Variants in SDK1 observed in about 807,000 individuals in gnomAD.
SDK1 encodes the protein protein sidekick-1.
Under a neutral mutation model 245.5 loss-of-function variants are expected in SDK1, and 157 were observed. That is an observed-to-expected ratio of 0.64 (90% CI 0.56 to 0.73). SDK1 has a LOEUF of 0.73. Among genes scored for constraint, SDK1 ranks in the 30% least tolerant of loss-of-function variants. The pLI, the probability that SDK1 is intolerant of heterozygous loss-of-function variation, is 0.00. For missense variants in SDK1, 3,583 were observed against 3,002.3 expected (o/e 1.19, Z -4.52); for synonymous variants, 1,647 against 1,278.5 (o/e 1.29, Z -6.15).
intron 1 of SDK1, among the ~76,000 whole-genome samples, chr7:3,320,669 A>G (rs1779779835): frequency 6.6e-6 from 1 of 152,184 alleles, no homozygotes; most frequent in Non-Finnish European, 1.5e-5. Flanking sequence ...TTTAATATTA[A>G]TCATGGCCAT....
intron 29 of SDK1, among the ~76,000 whole-genome samples, chr7:4,146,211 C>T (rs1481365923): frequency 2.0e-5 from 3 of 151,172 alleles, no homozygotes; most frequent in African/African-American, 7.3e-5. Flanking sequence ...TGCATTCACA[C>T]CTTCTGCCTC....
At position 3,578,246 on chromosome 7, in the gene SDK1, G is replaced by T. The variant is rs1480121324; in HGVS notation, c.299-40834G>T. 1.3e-5 allele frequency among the ~76,000 whole-genome samples: 2 copies of T among 151,976 alleles called. 1 individual carries two copies. Among genetic ancestry groups the T allele is most frequent in the Non-Finnish European group, 2.9e-5 (2 of 67,962 alleles). ...CCCACCTGAGCCGCAAAACCAGCAA[G>T]TTTTATTAAGGATTTCATTAAGGAT... On this transcript the variant is annotated intron_variant, in intron 1 of 44. Transcript: ENST00000404826.
rs554472408 is a variant in SDK1 at position 3,594,554 on chromosome 7, C to G, written c.299-24526C>G. ...AACCATTTCCATTTTACATTGCCGC[C>G]GGTCATGTATGAGGGTTCTGATTTC... On this transcript the variant is annotated intron_variant, in intron 1 of 44. Transcript: ENST00000404826. 3.3e-5 allele frequency among the ~76,000 whole-genome samples: 5 copies of G among 152,244 alleles called. No individual in the cohort carries two copies. In the East Asian group the frequency reaches 5.8e-4, roughly 18 times the overall value.
intron 44 of SDK1, among the ~76,000 whole-genome samples, chr7:4,249,229 G>C (rs1221055617): frequency 6.6e-6 from 1 of 152,218 alleles, no homozygotes; most frequent in Admixed American, 6.5e-5. Flanking sequence ...CCGAGACTGA[G>C]AGTTTTTGAA....
chr7:3,751,238 T>C (rs1779764089), intron 4 of SDK1, among the ~76,000 whole-genome samples: 2 of 152,214 alleles, frequency 1.3e-5, no homozygotes, highest in African/African-American at 4.8e-5. Flanking sequence ...AGTATTTCAG[T>C]CTTCTGAAGG....
chr7:3,974,531 C>T lies in SDK1; in HGVS notation c.1980C>T (p.Ala660=), dbSNP rs1380587986. The change falls in exon 13 of 45, where the codon GCC becomes GCT. Residue 660 remains alanine, a synonymous_variant. Coordinates refer to ENST00000404826, the MANE Select transcript of SDK1 (RefSeq NM_152744.4). Reference sequence around the variant, plus strand: ...AAGGAGGGAATGACTCCAGGATGGCCCGGCTGGAAGTGATGTGAGTACTGA... The same window carrying T: ...AAGGAGGGAATGACTCCAGGATGGCTCGGCTGGAAGTGATGTGAGTACTGA... ...VSEGGNDSRM[A]RLEVIELPHS... 2 of 1,613,958 alleles carry T rather than the reference C, an allele frequency of 1.2e-6. No individual in the cohort carries two copies. The highest frequency in any genetic ancestry group is 1.7e-5 in the Admixed American group (1 of 59,994).
At chr7:3,606,234 C>T (rs928783984) in intron 1 of SDK1, among the ~76,000 whole-genome samples, 1 of 152,062 alleles carries the variant, frequency 6.6e-6, no homozygotes, top group African/African-American at 2.4e-5. Context: ...TTCTTTTTCT[C>T]TTATGCTTCA....
chr7:3,783,769 G>A (rs1307714136), intron 4 of SDK1, among the ~76,000 whole-genome samples: 4 of 152,088 alleles, frequency 2.6e-5, no homozygotes, highest in African/African-American at 9.7e-5. Context: ...TTGTTAAATG[G>A]CCATACTACC....
intron 1 of SDK1, among the ~76,000 whole-genome samples, chr7:3,525,037 G>GT (rs1166375056): frequency 6.6e-6 from 1 of 152,090 alleles, no homozygotes; most frequent in Middle Eastern, 3.2e-3. Context: ...AATAATACAA[G>GT]TAAAAAAATA....
chr7:3,897,356 C>G (rs981827627), intron 5 of SDK1, among the ~76,000 whole-genome samples: 1 of 152,144 alleles, frequency 6.6e-6, no homozygotes, highest in Non-Finnish European at 1.5e-5. Flanking sequence ...AACAATGATT[C>G]TCATTCTCCC....
intron 1 of SDK1, among the ~76,000 whole-genome samples, chr7:3,306,082 G>A (rs1779411051): frequency 1.3e-5 from 2 of 152,194 alleles, no homozygotes. Flanking sequence ...TTTATAAGGA[G>A]AGGGAAAAAT....
chr7:3,917,996 G>A (rs139425924), intron 5 of SDK1, among the ~76,000 whole-genome samples: 176 of 152,292 alleles, frequency 1.2e-3, no homozygotes, highest in Admixed American at 2.4e-3. Context: ...CAGGGCCCAA[G>A]AAAGTCCATT....
intron 4 of SDK1, among the ~76,000 whole-genome samples, chr7:3,818,014 C>G (rs1368023314): frequency 1.3e-5 from 2 of 152,320 alleles, no homozygotes; most frequent in African/African-American, 2.4e-5. Context: ...TTAGCTTGTT[C>G]TTTATGATGT....
At chr7:3,548,173 A>G (rs1369608731) in intron 1 of SDK1, among the ~76,000 whole-genome samples, 1 of 152,232 alleles carries the variant, frequency 6.6e-6, no homozygotes, top group Non-Finnish European at 1.5e-5. Context: ...TTAGAGATTC[A>G]AGTATATATG....
intron 2 of SDK1, among the ~76,000 whole-genome samples, chr7:3,623,037 G>GA (rs963206554): frequency 6.6e-6 from 1 of 151,626 alleles, no homozygotes; most frequent in East Asian, 1.9e-4. Context: ...AGTTTCAAAT[G>GA]AAAAAAACAT....
At chr7:4,062,924 C>G (rs1383058646) in intron 19 of SDK1, among the ~76,000 whole-genome samples, 3 of 152,168 alleles carry the variant, frequency 2.0e-5, no homozygotes, top group African/African-American at 7.2e-5. Flanking sequence ...AATAAAAACT[C>G]TCAACAAACT....
chr7:3,692,176 A>T (rs913110208), intron 4 of SDK1, among the ~76,000 whole-genome samples: 1 of 152,196 alleles, frequency 6.6e-6, no homozygotes, highest in Non-Finnish European at 1.5e-5. Context: ...GAGACCCAAC[A>T]TAATTTCAAG....
At chr7:3,436,085 GTTGT>G (rs1213176545) in intron 1 of SDK1, among the ~76,000 whole-genome samples, 4 of 152,088 alleles carry the variant, frequency 2.6e-5, no homozygotes, top group Non-Finnish European at 4.4e-5. Context: ...TTCAAAATAG[GTTGT>G]TTTATTTTCA....
chr7:3,635,674 T>A (rs1004727816), intron 2 of SDK1, among the ~76,000 whole-genome samples: 1 of 152,194 alleles, frequency 6.6e-6, no homozygotes, highest in Non-Finnish European at 1.5e-5. Context: ...TTCTCCCCTT[T>A]TTGGAAAATA....
Sources: gnomAD v4.1 joint callset for allele counts (sites outside exome capture counted in the v4.1 genomes callset) on GRCh38, gnomAD v4.1.1 for gene constraint, MANE v1.5 for transcripts, NCBI Gene and HGNC (gene_info 2026-07-23, HGNC 2026-07-21) for gene names.